The following KCNH7 variants were observed in gnomAD, a reference collection of about 807,000 sequenced individuals.
KCNH7 encodes voltage-gated inwardly rectifying potassium channel KCNH7.
In KCNH7, 49 loss-of-function variants were observed where a neutral mutation model predicts 120.8. The ratio of observed to expected loss-of-function variants is 0.41; its 90% CI spans 0.32 to 0.51. The LOEUF is 0.51. Ranked by LOEUF, KCNH7 falls within the 20% of genes least tolerant of loss-of-function variation. KCNH7 has a pLI of 0.38. For synonymous variants in KCNH7, 547 were observed against 516.1 expected (o/e 1.06, Z -0.81); for missense variants, 1,097 against 1,446.6 (o/e 0.76, Z 3.92).
intron 9 of KCNH7, among the ~76,000 whole-genome samples, chr2:162,415,573 T>C (rs1181636392): frequency 6.6e-6 from 1 of 152,176 alleles, no homozygotes; most frequent in Non-Finnish European, 1.5e-5. Context: ...AAGTTAGGTC[T>C]TCCTAATGTT....
chr2:162,710,630 G>A (rs1686894490), intron 2 of KCNH7, among the ~76,000 whole-genome samples: 1 of 152,186 alleles, frequency 6.6e-6, no homozygotes. Context: ...AAAGTTGTAT[G>A]CATGAATGCA....
At chr2:162,499,178 T>G (rs923655404) in intron 6 of KCNH7, among the ~76,000 whole-genome samples, 2 of 152,262 alleles carry the variant, frequency 1.3e-5, no homozygotes, top group Non-Finnish European at 2.9e-5. Context: ...ATATTTGAAC[T>G]AAACTAGCCT....
intron 2 of KCNH7, among the ~76,000 whole-genome samples, chr2:162,654,119 A>C (rs1684661999): frequency 1.3e-5 from 2 of 151,910 alleles, no homozygotes; most frequent in South Asian, 4.1e-4. Flanking sequence ...GACCCTAAAA[A>C]CACAAACAAA....
chr2:162,556,053 A>T (rs1234512841), intron 2 of KCNH7, among the ~76,000 whole-genome samples: 7 of 152,116 alleles, frequency 4.6e-5, no homozygotes, highest in Admixed American at 4.6e-4. Flanking sequence ...TTATAAAACC[A>T]TGTCCATATT....
At chr2:162,588,885 T>C (rs1432998593) in intron 2 of KCNH7, among the ~76,000 whole-genome samples, 1 of 152,164 alleles carries the variant, frequency 6.6e-6, no homozygotes, top group Non-Finnish European at 1.5e-5. Context: ...GTATTGTCAT[T>C]AACCCACCTA....
At chr2:162,487,466 G>T (rs548408293) in intron 6 of KCNH7, among the ~76,000 whole-genome samples, 2 of 152,182 alleles carry the variant, frequency 1.3e-5, no homozygotes, top group East Asian at 3.9e-4. Context: ...ATTTAATTTT[G>T]GTGGGGGGTG....
chr2:162,639,182 G>C (rs539517885), intron 2 of KCNH7, among the ~76,000 whole-genome samples: 1 of 152,162 alleles, frequency 6.6e-6, no homozygotes, highest in African/African-American at 2.4e-5. Context: ...TCTTACAGGA[G>C]AATCTTTCAT....
intron 5 of KCNH7, among the ~76,000 whole-genome samples, chr2:162,505,736 T>G (rs1386954731): frequency 1.3e-5 from 2 of 151,946 alleles, no homozygotes; most frequent in African/African-American, 4.8e-5. Flanking sequence ...CAGGAAGTGG[T>G]TAAAACATAC....
chr2:162,446,239 C>G lies in KCNH7; in HGVS notation c.1333G>C (p.Gly445Arg). The change falls in exon 7 of 16, where the codon GGC (glycine) becomes CGC (arginine). Residue 445 changes from glycine (G) to arginine (R), a missense_variant. Gly to Arg is a moderately radical substitution (Grantham distance 125, BLOSUM62 -2). This residue lies in a region of KCNH7 where 109 missense variants were observed against 196.8 expected (regional missense o/e 0.55). Transcript: ENST00000332142. ...ACATTCAAAGGGCTACAAGAATAGC[C>G]ACATTCTCGTCTTTTCTGTTCTTCT... ...DREEQKRRECGYSCSPLNVVD... is the reference protein window; with the variant it reads ...DREEQKRRECRYSCSPLNVVD... The G allele has an allele frequency of 6.2e-7, 1 of 1,613,734 alleles. No individual in the cohort carries two copies. The highest frequency in any genetic ancestry group is 8.5e-7 in the Non-Finnish European group (1 of 1,179,726).
intron 2 of KCNH7, among the ~76,000 whole-genome samples, chr2:162,801,848 C>T (rs1684360847): frequency 6.6e-6 from 1 of 151,724 alleles, no homozygotes; most frequent in South Asian, 2.1e-4. Context: ...GGGAGCCATG[C>T]TTGTGCTTCA....
intron 2 of KCNH7, among the ~76,000 whole-genome samples, chr2:162,557,305 TAGA>T (rs2105870342): frequency 6.6e-6 from 1 of 152,296 alleles, no homozygotes; most frequent in African/African-American, 2.4e-5. Context: ...CCTAAGTTTC[TAGA>T]AGAAGCATCC....
chr2:162,422,225 A>C (rs946286504), intron 9 of KCNH7, among the ~76,000 whole-genome samples: 11 of 152,148 alleles, frequency 7.2e-5, no homozygotes, highest in Non-Finnish European at 1.5e-4. Flanking sequence ...ATCCATATAT[A>C]AATATTACTT....
intron 13 of KCNH7, among the ~76,000 whole-genome samples, chr2:162,382,255 G>A (rs571477219): frequency 4.2e-4 from 64 of 152,158 alleles, no homozygotes; most frequent in Middle Eastern, 3.4e-3. Flanking sequence ...TGAACGAAGT[G>A]TATACTCTTA....
chr2:162,644,938 T>C (rs1684297802), intron 2 of KCNH7, among the ~76,000 whole-genome samples: 2 of 152,172 alleles, frequency 1.3e-5, no homozygotes, highest in South Asian at 4.1e-4. Context: ...ATCTTGTCAA[T>C]AAAATTTAGT....
chr2:162,478,128 T>C (rs1689808942), intron 6 of KCNH7, among the ~76,000 whole-genome samples: 1 of 152,148 alleles, frequency 6.6e-6, no homozygotes, highest in African/African-American at 2.4e-5. Flanking sequence ...TGGTAGAAGA[T>C]AGAGGTCAGA....
At chr2:162,801,147 A>C (rs1684331986) in intron 2 of KCNH7, among the ~76,000 whole-genome samples, 1 of 151,826 alleles carries the variant, frequency 6.6e-6, no homozygotes, top group South Asian at 2.1e-4. Context: ...AAGAGGGTAG[A>C]ACTACTTAGA....
intron 2 of KCNH7, among the ~76,000 whole-genome samples, chr2:162,642,654 G>T (rs1227102925): frequency 6.6e-6 from 1 of 152,200 alleles, no homozygotes; most frequent in Non-Finnish European, 1.5e-5. Flanking sequence ...TCACACTGTG[G>T]TGGCTCCTAG....
At position 162,748,927 on chromosome 2, in the gene KCNH7, TTTCCTTCCTTCCTTCC is replaced by T. The variant is rs1219510782; in HGVS notation, c.307+87594_307+87609del. Among the ~76,000 whole-genome samples, 31 of 27,860 alleles carry T rather than the reference TTTCCTTCCTTCCTTCC, an allele frequency of 1.1e-3. 1 individual carries two copies. The highest frequency in any genetic ancestry group is 9.4e-3 in the South Asian group (4 of 426). The allele number at this position is 27,860 out of a possible 152,430, so 18.3% of individuals were successfully genotyped here. A position where few individuals can be genotyped will look rare whatever the true frequency, so the allele number is the denominator to read the frequency against. ...CCTTCCTTCCTTCCCTTCCCTTTCC[TTTCCTTCCTTCCTTCC>T]TTCCTTCCTTCCTTCCTTCCTTCCT... On this transcript the variant is annotated intron_variant, in intron 2 of 15. Coordinates refer to ENST00000332142, the MANE Select transcript of KCNH7 (RefSeq NM_033272.4).
chr2:162,551,826 G>T (rs1247814836), intron 2 of KCNH7, among the ~76,000 whole-genome samples: 1 of 151,870 alleles, frequency 6.6e-6, no homozygotes, highest in Non-Finnish European at 1.5e-5. Flanking sequence ...CCCATAATAA[G>T]CATTTAAGAG....
Sources: allele counts gnomAD v4.1 joint callset (sites outside exome capture counted in the v4.1 genomes callset), GRCh38; gene constraint gnomAD v4.1.1; regional missense constraint gnomAD v4.1.1; transcripts MANE v1.5; gene names NCBI Gene and HGNC (gene_info 2026-07-23, HGNC 2026-07-21).